The following ADGRE1 variants were observed in gnomAD, a reference collection of about 807,000 sequenced individuals.
ADGRE1 encodes the protein EGF-like module receptor 1.
Under a neutral mutation model 102.7 loss-of-function variants are expected in ADGRE1, and 82 were observed. The observed-to-expected ratio is 0.80, with a 90% CI of 0.67 to 0.96. ADGRE1 has a LOEUF of 0.96. ADGRE1 is among the 40% of genes least tolerant of loss of function. The probability of loss-of-function intolerance (pLI) is 0.00; values close to 1 mark genes in which losing one functional copy is unlikely to be tolerated. For synonymous variants in ADGRE1, 398 were observed against 399.6 expected (o/e 1.00, Z 0.05); for missense variants, 1,032 against 1,085.3 (o/e 0.95, Z 0.69).
intron 10 of ADGRE1, among the ~76,000 whole-genome samples, chr19:6,909,206 T>TA (rs1974083170): frequency 6.6e-6 from 1 of 152,198 alleles, no homozygotes; most frequent in African/African-American, 2.4e-5. Flanking sequence ...TAATTTTTTA[T>TA]AGCTGTAAGA....
intron 2 of ADGRE1, among the ~76,000 whole-genome samples, chr19:6,892,087 G>A (rs148703058): frequency 9.9e-5 from 15 of 152,204 alleles, no homozygotes; most frequent in Middle Eastern, 3.4e-3. Flanking sequence ...GAGAATGATG[G>A]GAAACTTACA....
chr19:6,921,327 C>T (rs879585857), intron 13 of ADGRE1, among the ~76,000 whole-genome samples: 2 of 152,116 alleles, frequency 1.3e-5, no homozygotes, highest in Non-Finnish European at 2.9e-5. Context: ...GAGGCTGAGG[C>T]AGAAGAATCG....
intron 15 of ADGRE1, among the ~76,000 whole-genome samples, chr19:6,925,550 G>A (rs1264516319): frequency 6.6e-6 from 1 of 152,128 alleles, no homozygotes; most frequent in Non-Finnish European, 1.5e-5. Flanking sequence ...TCTCTGGTGG[G>A]TAAAGGTTAG....
At chr19:6,916,063 A>G (rs1459628245) in intron 11 of ADGRE1, among the ~76,000 whole-genome samples, 186 bp from the exon 12 acceptor site, 1 of 151,494 alleles carries the variant, frequency 6.6e-6, no homozygotes, top group African/African-American at 2.4e-5. Flanking sequence ...TGGGTTACTC[A>G]TTTATTTGGT....
chr19:6,919,777 T>C (rs758815537), intron 13 of ADGRE1, 30 bp downstream of exon 13: 3 of 1,604,074 alleles, frequency 1.9e-6, no homozygotes, highest in Non-Finnish European at 2.6e-6. Flanking sequence ...CTGAGATTCT[T>C]GTCTACCTGT....
chr19:6,929,974 C>T (rs1350003279), intron 17 of ADGRE1, among the ~76,000 whole-genome samples: 3 of 152,128 alleles, frequency 2.0e-5, no homozygotes, highest in African/African-American at 7.2e-5. Flanking sequence ...TGCCTATTCC[C>T]CAGGTAACCG....
At chr19:6,934,413 C>CTTT (rs1568365454) in intron 17 of ADGRE1, among the ~76,000 whole-genome samples, 1 of 136,278 alleles carries the variant, frequency 7.3e-6, no homozygotes, top group African/African-American at 3.1e-5. Context: ...AATTCTTCTT[C>CTTT]TTCTTCTTTT....
At chr19:6,915,861 C>T (rs2144959308) in intron 11 of ADGRE1, among the ~76,000 whole-genome samples, 1 of 133,846 alleles carries the variant, frequency 7.5e-6, no homozygotes, top group East Asian at 2.3e-4. Flanking sequence ...GCAGAGCTTG[C>T]AGTGAGCCGA....
chr19:6,904,029 T>C lies in ADGRE1; in HGVS notation c.803-7T>C, dbSNP rs1327456804. 2 of 1,614,074 alleles carry C rather than the reference T, an allele frequency of 1.2e-6. No homozygotes were observed. The highest frequency in any genetic ancestry group is 1.3e-5 in the African/African-American group (1 of 74,938). ...TGGGTTTCTTGATATTCTCCAGTTC[T>C]TTGCAGATATTGATGAGTGCCGCCA... On this transcript the variant is annotated splice_region_variant and splice_polypyrimidine_tract_variant and intron_variant, in intron 7 of 20. Transcript: ENST00000312053.
intron 20 of ADGRE1, among the ~76,000 whole-genome samples, chr19:6,938,261 C>A (rs906114471): frequency 1.3e-5 from 2 of 152,078 alleles, no homozygotes; most frequent in East Asian, 3.9e-4. Flanking sequence ...TGCTTGAACC[C>A]AAGAGGCGGA....
rs1294434119 is a variant in ADGRE1, at chr19:6,924,736, TC to T, written c.1851del (p.Val618SerfsTer71). On this transcript the variant is annotated frameshift_variant, in exon 15 of 21. Transcript: ENST00000312053. LOFTEE classifies it high-confidence loss of function. ...GGCATTATCATCTCCTTGGTGTGCCTCGTCTTGGCCATCGCCACCTTTCTGC... is the reference window on the plus strand; with the variant it reads ...GGCATTATCATCTCCTTGGTGTGCCTGTCTTGGCCATCGCCACCTTTCTGC... ...HVGIIISLVC[L>X]VLAIATFLLC... The T allele has an allele frequency of 2.5e-6, 4 of 1,614,046 alleles. No individual in the cohort carries two copies. Among genetic ancestry groups the T allele is most frequent in the Non-Finnish European group, 3.4e-6 (4 of 1,180,040 alleles).
chr19:6,922,657 C>CAA (rs1366073281), intron 14 of ADGRE1, among the ~76,000 whole-genome samples: 15 of 140,238 alleles, frequency 1.1e-4, no homozygotes, highest in African/African-American at 3.4e-4. Flanking sequence ...CACACACACA[C>CAA]AAACAAAAAG....
chr19:6,929,236 G>A (rs1188132970), intron 17 of ADGRE1, among the ~76,000 whole-genome samples: 1 of 152,168 alleles, frequency 6.6e-6, no homozygotes, highest in Non-Finnish European at 1.5e-5. Flanking sequence ...GAAAGAGAAA[G>A]GAGACTAGCT....
At position 6,926,397 on chromosome 19, in the gene ADGRE1, A is replaced by T; in HGVS notation, c.2018A>T (p.His673Leu). The change falls in exon 16 of 21, where the codon CAC becomes CTC. Residue 673 changes from histidine (H) to leucine (L), a missense_variant. Coordinates refer to ENST00000312053, the MANE Select transcript of ADGRE1 (RefSeq NM_001974.5). ...TGCGCCATCATCGCGGGCTTCCTGC[A>T]CTACCTTTTCCTTGCCTGCTTCTTC... ...MGCAIIAGFLHYLFLACFFWM... is the reference protein window; with the variant it reads ...MGCAIIAGFLLYLFLACFFWM... 3 of 1,614,174 alleles carry T rather than the reference A, an allele frequency of 1.9e-6. No homozygotes were observed. Among genetic ancestry groups the T allele is most frequent in the South Asian group, 2.2e-5 (2 of 91,078 alleles).
At chr19:6,911,760 CAT>C (rs1974198329) in intron 10 of ADGRE1, among the ~76,000 whole-genome samples, 1 of 148,094 alleles carries the variant, frequency 6.8e-6, no homozygotes, top group African/African-American at 2.5e-5. Context: ...TATGTACACA[CAT>C]ACACACATAT....
chr19:6,926,263 C>A, intron 15 of ADGRE1, 103 bp from the exon 16 acceptor site: 1 of 1,231,670 alleles, frequency 8.1e-7, no homozygotes, highest in Non-Finnish European at 1.1e-6. Flanking sequence ...AATGAGTGAG[C>A]TAGGTTTGGG....
rs1974674558 is a variant in ADGRE1 at position 6,921,734 on chromosome 19, C to CCCA, written c.1643_1645dup (p.Pro548_Ile549insThr). 1 of 1,607,702 alleles carries CCCA rather than the reference C, an allele frequency of 6.2e-7. No homozygotes were observed. Among genetic ancestry groups the CCCA allele is most frequent in the Non-Finnish European group, 8.5e-7 (1 of 1,177,810 alleles). On this transcript the variant is annotated inframe_insertion, in exon 14 of 21. Coordinates refer to ENST00000312053, the MANE Select transcript of ADGRE1 (RefSeq NM_001974.5). The stretch of plus-strand genomic sequence containing the variant: ...TTAGCCAAAGCAGAAGTTTGAGAGG[C>CCCA]CCATCTGTGTTTCCTGGAGCACTGA...
At chr19:6,896,823 T>C in intron 3 of ADGRE1, 1 of 492,262 alleles carries the variant, frequency 2.0e-6, no homozygotes, top group Non-Finnish European at 3.6e-6. Context: ...CTCTCTTTGA[T>C]CATGTAAATA....
At chr19:6,929,047 A>G (rs1211301541) in intron 17 of ADGRE1, among the ~76,000 whole-genome samples, 1 of 152,172 alleles carries the variant, frequency 6.6e-6, no homozygotes, top group African/African-American at 2.4e-5. Flanking sequence ...CTGAAAGGCA[A>G]ATACCCCTGG....
Sources: allele counts gnomAD v4.1 joint callset (sites outside exome capture counted in the v4.1 genomes callset), GRCh38; gene constraint gnomAD v4.1.1; transcripts MANE v1.5; gene names NCBI Gene and HGNC (gene_info 2026-07-23, HGNC 2026-07-21).